The following SAMD3 variants were observed in gnomAD, a reference collection of about 807,000 sequenced individuals.
The protein encoded by SAMD3 is sterile alpha motif domain containing 3.
In SAMD3, 63 loss-of-function variants were observed where a neutral mutation model predicts 58.5. The ratio of observed to expected loss-of-function variants is 1.08; its 90% confidence interval spans 0.88 to 1.33. SAMD3 has a LOEUF of 1.33. Among genes scored for constraint, SAMD3 ranks in the 40% most tolerant of loss-of-function variants. SAMD3 has a pLI of 0.00. For missense variants in SAMD3, 604 were observed against 608.4 expected, an observed-to-expected ratio of 0.99 and a Z score of 0.08; for synonymous variants, 220 against 210.3, an observed-to-expected ratio of 1.05 and a Z score of -0.40.
chr6:130,334,205 C>G (rs547183750), intron 1 of SAMD3, among the ~76,000 whole-genome samples: 54 of 152,274 alleles, frequency 3.5e-4, no homozygotes, highest in Middle Eastern at 6.8e-3. Context: ...AGAAGCACAA[C>G]CACGCTCATT....
At chr6:130,257,861 A>T (rs978927690) in intron 2 of SAMD3, among the ~76,000 whole-genome samples, 1 of 152,086 alleles carries the variant, frequency 6.6e-6, no homozygotes, top group African/African-American at 2.4e-5. Flanking sequence ...TCTGAAGGTA[A>T]ACACTATTCT....
chr6:130,164,250 A>G (rs1790526489), intron 8 of SAMD3, among the ~76,000 whole-genome samples: 1 of 152,240 alleles, frequency 6.6e-6, no homozygotes, highest in Non-Finnish European at 1.5e-5. Flanking sequence ...AAGGTCACAA[A>G]GGAGACAATC....
At chr6:130,190,351 G>C (rs1346837359) in intron 5 of SAMD3, among the ~76,000 whole-genome samples, 3 of 150,688 alleles carry the variant, frequency 2.0e-5, no homozygotes, top group African/African-American at 4.9e-5. Context: ...CCATCCTCAA[G>C]AGTAAAGATA....
intron 2 of SAMD3, among the ~76,000 whole-genome samples, chr6:130,288,971 A>G (rs1027031446): frequency 6.6e-6 from 1 of 152,186 alleles, no homozygotes; most frequent in Non-Finnish European, 1.5e-5. Flanking sequence ...GTTAACTTCT[A>G]TGCGCCCTTC....
At chr6:130,169,288 G>A (rs945314315) in intron 8 of SAMD3, among the ~76,000 whole-genome samples, 1 of 152,066 alleles carries the variant, frequency 6.6e-6, no homozygotes, top group African/African-American at 2.4e-5. Context: ...CCCATGTAGT[G>A]TACAAAATAC....
intron 1 of SAMD3, among the ~76,000 whole-genome samples, chr6:130,314,751 C>T: frequency 6.6e-6 from 1 of 152,094 alleles, no homozygotes; most frequent in East Asian, 1.9e-4. Context: ...AGTAAAATTC[C>T]GTCAATAGGG....
intron 5 of SAMD3, among the ~76,000 whole-genome samples, chr6:130,193,275 C>T (rs1793725433): frequency 6.6e-6 from 1 of 151,952 alleles, no homozygotes; most frequent in Non-Finnish European, 1.5e-5. Flanking sequence ...CCTTCTCCTT[C>T]ACACTTAGCA....
chr6:130,144,227 G>T, downstream of SAMD3: 1 of 374,720 alleles, frequency 2.7e-6, no homozygotes, highest in Non-Finnish European at 4.8e-6. Flanking sequence ...AAGGATTTGA[G>T]TACAGTGTAT....
At chr6:130,193,475 C>G (rs1482130890) in intron 5 of SAMD3, among the ~76,000 whole-genome samples, 3 of 152,044 alleles carry the variant, frequency 2.0e-5, no homozygotes, top group African/African-American at 7.2e-5. Flanking sequence ...GTGCCCCAAC[C>G]CCTTATTTCT....
At chr6:130,241,616 AAT>A (rs1240879067) in intron 2 of SAMD3, among the ~76,000 whole-genome samples, 1 of 151,990 alleles carries the variant, frequency 6.6e-6, no homozygotes, top group African/African-American at 2.4e-5. Context: ...ACCCCTTACT[AAT>A]ATATAAGAAA....
intron 2 of SAMD3, among the ~76,000 whole-genome samples, chr6:130,253,767 G>A (rs1216439644): frequency 1.3e-5 from 2 of 151,312 alleles, no homozygotes; most frequent in Non-Finnish European, 2.9e-5. Flanking sequence ...TGGTGGAGGG[G>A]GGTATATCTT....
chr6:130,181,752 G>A lies in SAMD3; in HGVS notation c.654+2351C>T, dbSNP rs189209954. ...GAAAATTAGGTGGCTGCAGAAGCAA[G>A]GGCGGGTGGGAAACTTTTCTATTTA... is the stretch of plus-strand genomic sequence containing the variant. On this transcript the variant is annotated intron_variant, in intron 7 of 11. Coordinates refer to ENST00000439090, the MANE Select transcript of SAMD3 (RefSeq NM_001017373.4). 3.4e-3 allele frequency among the ~76,000 whole-genome samples: 521 copies of A among 152,244 alleles called. 1 individual carries two copies. The highest frequency in any genetic ancestry group is 5.9e-3 in the Non-Finnish European group (402 of 68,016).
At chr6:130,151,334 T>A (rs968830957) in intron 9 of SAMD3, among the ~76,000 whole-genome samples, 1 of 152,076 alleles carries the variant, frequency 6.6e-6, no homozygotes, top group Non-Finnish European at 1.5e-5. Context: ...GCCTCATACA[T>A]ATTTTTTTTT....
At chr6:130,185,627 A>AGT (rs768062843) in intron 5 of SAMD3, among the ~76,000 whole-genome samples, 14 of 142,856 alleles carry the variant, frequency 9.8e-5, no homozygotes, top group Non-Finnish European at 1.8e-4. Context: ...GCATCTGCCC[A>AGT]ATTTTTTTTT....
At chr6:130,143,307 A>C (rs1788370461), downstream of SAMD3, 1 of 152,228 alleles carries the variant, frequency 6.6e-6, no homozygotes, top group African/African-American at 2.4e-5. Flanking sequence ...GTACAATTGC[A>C]TGATCTTGGC....
At chr6:130,349,401 C>T (rs1777574184) in intron 1 of SAMD3, among the ~76,000 whole-genome samples, 1 of 152,110 alleles carries the variant, frequency 6.6e-6, no homozygotes, top group Non-Finnish European at 1.5e-5. Context: ...GGGGATATCA[C>T]CACCAATCCA....
At chr6:130,348,669 C>T (rs551088497) in intron 1 of SAMD3, among the ~76,000 whole-genome samples, 25 of 152,158 alleles carry the variant, frequency 1.6e-4, no homozygotes, top group Admixed American at 3.3e-4. Context: ...GACAAATCAA[C>T]GAGACAGAAA....
At chr6:130,292,385 C>T (rs1212055091) in intron 2 of SAMD3, among the ~76,000 whole-genome samples, 1 of 150,680 alleles carries the variant, frequency 6.6e-6, no homozygotes, top group Non-Finnish European at 1.5e-5. Flanking sequence ...CTCCCGGGCT[C>T]AAGCAGTTCT....
Position 130,150,727 on chromosome 6 carries a change from T to C in SAMD3, c.1023+4098A>G, listed in dbSNP as rs917470368. ...GGGCCAGAATTCTTTTTTTTTTTTT[T>C]TTGAGACAGAATCTCACTCCATCGC... On this transcript the variant is annotated intron_variant, in intron 9 of 11. Transcript: ENST00000439090. Among the ~76,000 whole-genome samples, 27 of 151,858 alleles carry C rather than the reference T, an allele frequency of 1.8e-4. 1 individual carries two copies. The highest frequency in any genetic ancestry group is 6.5e-4 in the African/African-American group (27 of 41,408).
Sources: allele counts gnomAD v4.1 joint callset (sites outside exome capture counted in the v4.1 genomes callset), GRCh38; gene constraint gnomAD v4.1.1; transcripts MANE v1.5; gene names NCBI Gene and HGNC (gene_info 2026-07-23, HGNC 2026-07-21).